Variants in ST3GAL2 observed in about 807,000 individuals in gnomAD.
ST3GAL2 encodes the protein ST3 beta-galactoside alpha-2,3-sialyltransferase 2, also known as CMP-N-acetylneuraminate-beta-galactosamide-alpha-2,3-sialyltransferase 2.
A neutral mutation model predicts 37.5 loss-of-function variants in ST3GAL2; 16 were observed. That is an observed-to-expected ratio of 0.43 (90% confidence interval 0.29 to 0.65). The LOEUF (loss-of-function observed/expected upper bound fraction) is 0.65. Ranked by LOEUF, ST3GAL2 falls within the 30% of genes least tolerant of loss-of-function variation. The pLI is 0.17. For synonymous variants in ST3GAL2, 238 were observed against 202.9 expected (o/e 1.17, Z -1.47); for missense variants, 383 against 487.8 (o/e 0.79, Z 2.02).
chr16:70,438,491 A>T (rs1401513257), intron 1 of ST3GAL2, among the ~76,000 whole-genome samples: 1 of 152,152 alleles, frequency 6.6e-6, no homozygotes, highest in African/African-American at 2.4e-5. Context: ...GAAAGATCAC[A>T]GGGGAGAGAG....
intron 2 of ST3GAL2, among the ~76,000 whole-genome samples, chr16:70,395,972 CTT>C (rs11353666): frequency 0.039 from 5,459 of 141,538 alleles, 357 homozygotes; most frequent in African/African-American, 0.13. Context: ...ATGAAATACT[CTT>C]TTTTTTTTTT....
intron 1 of ST3GAL2, among the ~76,000 whole-genome samples, chr16:70,411,954 A>G (rs992069493): frequency 6.6e-6 from 1 of 151,574 alleles, no homozygotes; most frequent in Non-Finnish European, 1.5e-5. Context: ...AGATCACCCC[A>G]TTGCACTCCA....
chr16:70,436,985 A>T (rs1450569437), intron 1 of ST3GAL2, among the ~76,000 whole-genome samples: 1 of 152,078 alleles, frequency 6.6e-6, no homozygotes, highest in East Asian at 1.9e-4. Context: ...CAAATCCCCA[A>T]TCCTGGTATT....
rs2047685692 is a variant in ST3GAL2 at position 70,417,757 on chromosome 16, GGT to G, written c.-1003-18226_-1003-18225del. On this transcript the variant is annotated intron_variant, in intron 1 of 6. Coordinates refer to ENST00000342907, the MANE Select transcript of ST3GAL2 (RefSeq NM_006927.4). ...GAAGTGGGAAGTGGGATGAATAAAC[GGT>G]GGACCAGGGGAAGCCAGAGAGGGTC... Among the ~76,000 whole-genome samples, 3 of 152,148 alleles carry G rather than the reference GGT, an allele frequency of 2.0e-5. No individual in the cohort carries two copies. In the South Asian group the frequency reaches 6.2e-4, roughly 32 times the overall value.
Position 70,383,095 on chromosome 16 carries a change from C to T in ST3GAL2, c.759+95G>A, listed in dbSNP as rs1040537425. 1.3e-5 allele frequency: 20 copies of T among 1,587,812 alleles called. No homozygotes were observed. In the Admixed American group the frequency reaches 2.1e-4, roughly 17 times the overall value. ...CTCGGCAGATGGGGACCCTGAGGTT[C>T]TGCAGGGGAAATGGAACACCTGAGC... On this transcript the variant is annotated intron_variant, in intron 5 of 6. Transcript: ENST00000342907.
intron 1 of ST3GAL2, chr16:70,423,004 C>T (rs2047725795): frequency 6.6e-6 from 1 of 152,218 alleles, no homozygotes; most frequent in South Asian, 2.1e-4. Flanking sequence ...AGGGGGAGCA[C>T]GACTCACCCC....
chr16:70,381,670 G>T lies in ST3GAL2; in HGVS notation c.*19C>A, dbSNP rs1255726344. 20 of 1,610,634 alleles carry T rather than the reference G, an allele frequency of 1.2e-5. No individual in the cohort carries two copies. The highest frequency in any genetic ancestry group is 1.7e-5 in the Non-Finnish European group (20 of 1,178,524). On this transcript the variant is annotated 3_prime_UTR_variant, in exon 7 of 7. Coordinates refer to ENST00000342907, the MANE Select transcript of ST3GAL2 (RefSeq NM_006927.4). ...CGGTGCCCGATAGATGGGCCGGAAGGGTCGCGGCGAGGCCCGGCTCAGTTG... is the reference window on the plus strand; with the variant it reads ...CGGTGCCCGATAGATGGGCCGGAAGTGTCGCGGCGAGGCCCGGCTCAGTTG...
chr16:70,431,448 C>T (rs1045201233), intron 1 of ST3GAL2, among the ~76,000 whole-genome samples: 4 of 152,174 alleles, frequency 2.6e-5, no homozygotes, highest in Non-Finnish European at 4.4e-5. Context: ...CCCTGGGCCC[C>T]GCAATGCCAC....
chr16:70,418,964 C>A (rs2047694675), intron 1 of ST3GAL2, among the ~76,000 whole-genome samples: 1 of 152,170 alleles, frequency 6.6e-6, no homozygotes, highest in Non-Finnish European at 1.5e-5. Context: ...GACTCCAGGG[C>A]AGGGACACAA....
chr16:70,402,735 C>T (rs1304130165), intron 1 of ST3GAL2, among the ~76,000 whole-genome samples: 4 of 152,128 alleles, frequency 2.6e-5, no homozygotes, highest in Admixed American at 2.0e-4. Context: ...CTGCAGCCTC[C>T]GCCTCCTGGG....
intron 2 of ST3GAL2, 97 bp from the exon 3 acceptor site, chr16:70,395,272 G>T: frequency 1.7e-6 from 2 of 1,176,510 alleles, no homozygotes; most frequent in South Asian, 1.5e-5. Flanking sequence ...ACTATCCTGT[G>T]TCTGGGCACA....
intron 1 of ST3GAL2, among the ~76,000 whole-genome samples, chr16:70,421,762 T>C (rs533134921): frequency 6.6e-6 from 1 of 152,246 alleles, no homozygotes; most frequent in Middle Eastern, 3.4e-3. Flanking sequence ...CACTGCAGTC[T>C]TGGCCTCCTG....
intron 6 of ST3GAL2, 35 bp from the exon 7 acceptor site, chr16:70,381,897 G>A: frequency 6.2e-7 from 1 of 1,610,094 alleles, no homozygotes; most frequent in South Asian, 1.1e-5. Context: ...CACCCCAGGC[G>A]GGGACCTGGA....
intron 1 of ST3GAL2, among the ~76,000 whole-genome samples, chr16:70,420,011 A>ACT (rs1555561054): frequency 3.3e-5 from 4 of 119,438 alleles, no homozygotes; most frequent in Admixed American, 8.5e-5. Context: ...TGACCATTTG[A>ACT]CCCCCCCCTT....
At chr16:70,382,717 C>A in intron 6 of ST3GAL2, 88 bp downstream of exon 6, 1 of 1,574,888 alleles carries the variant, frequency 6.3e-7, no homozygotes, top group African/African-American at 1.3e-5. Context: ...TACAGAAGCA[C>A]ATTCCTCTGT....
chr16:70,396,245 C>T (rs573446523), intron 2 of ST3GAL2, among the ~76,000 whole-genome samples: 1 of 139,736 alleles, frequency 7.2e-6, no homozygotes, highest in East Asian at 2.2e-4. Flanking sequence ...GGTGGGATTA[C>T]TTTTACTCAA....
chr16:70,382,743 C>G, intron 6 of ST3GAL2, 62 bp downstream of exon 6: 1 of 1,605,052 alleles, frequency 6.2e-7, no homozygotes, highest in South Asian at 1.1e-5. Context: ...TGCTAAGACC[C>G]GAGAAGGCCT....
Position 70,380,091 on chromosome 16 carries a change from C to G in ST3GAL2, c.*1598G>C, listed in dbSNP as rs1178289285. On this transcript the variant is annotated 3_prime_UTR_variant, in exon 7 of 7. Transcript: ENST00000342907. ...GCAAGACTGGCTGAGGCCTAGCTCT[C>G]TAAAACGGTGGGGGAGGGGGGAGCG... The G allele has an allele frequency of 3.3e-5, 5 of 152,326 alleles. No individual in the cohort carries two copies. The highest frequency in any genetic ancestry group is 7.3e-5 in the Non-Finnish European group (5 of 68,148). 9.4% of individuals were successfully genotyped at this position (152,326 alleles called of 1,614,324 possible). A position where few individuals can be genotyped will look rare whatever the true frequency, so the allele number is the denominator to read the frequency against.
chr16:70,434,752 G>C (rs1470964096), intron 1 of ST3GAL2, among the ~76,000 whole-genome samples: 2 of 152,306 alleles, frequency 1.3e-5, no homozygotes, highest in Admixed American at 1.3e-4. Flanking sequence ...CCATAATTCA[G>C]GCTATTAGCA....
Sources: allele counts gnomAD v4.1 joint callset (sites outside exome capture counted in the v4.1 genomes callset), GRCh38; gene constraint gnomAD v4.1.1; transcripts MANE v1.5; gene names NCBI Gene and HGNC (gene_info 2026-07-23, HGNC 2026-07-21).